Variants in GSG1 observed in about 807,000 individuals in gnomAD.
The protein encoded by GSG1 is germ cell associated 1.
Under a neutral mutation model 30.8 loss-of-function variants are expected in GSG1, and 28 were observed. That is an observed-to-expected ratio of 0.91 (90% confidence interval 0.67 to 1.25). The LOEUF (loss-of-function observed/expected upper bound fraction) is 1.25, where lower values mean the gene tolerates loss of function less well. GSG1 is among the 50% of genes most tolerant of loss of function. GSG1 has a pLI of 0.00. For missense variants in GSG1, 435 were observed against 444.7 expected, an observed-to-expected ratio of 0.98 and a Z score of 0.20; for synonymous variants, 162 against 178.0, an observed-to-expected ratio of 0.91 and a Z score of 0.71.
rs1016354249 is a variant in GSG1, at chr12:13,101,095, C to A, written c.48+2370G>T. On this transcript the variant is annotated intron_variant, in intron 1 of 6. Coordinates refer to ENST00000651961, the MANE Select transcript of GSG1 (RefSeq NM_001080555.4). This position sits in a 1 kb window ranked among gnomAD's most constrained non-coding sequence, Gnocchi z 5.8. ...GAGTGAATCAGAGGGGCAGCCACAT[C>A]TGCACATCCTGTGGGGCAATCGCTC... Among the ~76,000 whole-genome samples, 1 of 152,206 alleles carries A rather than the reference C, an allele frequency of 6.6e-6. No individual in the cohort carries two copies. Among genetic ancestry groups the A allele is most frequent in the South Asian group, 2.1e-4 (1 of 4,836 alleles).
At chr12:13,096,199 C>T (rs187009107) in intron 1 of GSG1, among the ~76,000 whole-genome samples, 47 of 152,192 alleles carry the variant, frequency 3.1e-4, no homozygotes, top group Middle Eastern at 3.4e-3. Flanking sequence ...TATTGCCGGG[C>T]GTGGTGGATC....
intron 1 of GSG1, among the ~76,000 whole-genome samples, chr12:13,095,315 A>G (rs1048811135): frequency 3.9e-5 from 6 of 152,218 alleles, no homozygotes; most frequent in African/African-American, 1.2e-4. Context: ...GAACAACTCT[A>G]TCTTTGTGTA....
chr12:13,090,421 G>T, intron 2 of GSG1, 82 bp downstream of exon 2: 4 of 1,332,682 alleles, frequency 3.0e-6, no homozygotes, highest in South Asian at 1.4e-5. Context: ...AGCCCTAAGC[G>T]GGCCTACCTG....
At chr12:13,087,881 C>T (rs751415527) in intron 5 of GSG1, 26 bp downstream of exon 5, 29 of 1,609,976 alleles carry the variant, frequency 1.8e-5, no homozygotes, top group Non-Finnish European at 2.4e-5. Flanking sequence ...GGCCAACCAC[C>T]CTCTCTCACT....
intron 1 of GSG1, among the ~76,000 whole-genome samples, chr12:13,102,158 C>T (rs1408816466): frequency 1.3e-5 from 2 of 152,168 alleles, no homozygotes; most frequent in African/African-American, 4.8e-5. Flanking sequence ...TTGACTTGCT[C>T]AAGGCCACAA....
At chr12:13,098,610 C>A (rs934053746) in intron 1 of GSG1, among the ~76,000 whole-genome samples, 2 of 151,810 alleles carry the variant, frequency 1.3e-5, no homozygotes, top group African/African-American at 4.8e-5. Context: ...GTTTTGTGCA[C>A]ATTTTTCTTG....
Position 13,088,876 on chromosome 12 carries a change from G to A in GSG1, c.467C>T (p.Pro156Leu). The A allele has an allele frequency of 6.2e-7, 1 of 1,614,108 alleles. No individual in the cohort carries two copies. Among genetic ancestry groups the A allele is most frequent in the Non-Finnish European group, 8.5e-7 (1 of 1,180,024 alleles). ...ERCRSFIELTPPAKREILWLS... is the reference protein window; with the variant it reads ...ERCRSFIELTLPAKREILWLS... ...TCCTTTCTCACCTCTCTTGGCTGGT[G>A]GTGTAAGTTCAATGAAACTTCGGCA... Residue 156 changes from proline (P) to leucine (L), a missense_variant, in exon 4 of 7, where the codon CCA becomes CTA. Transcript: ENST00000651961.
At chr12:13,095,006 A>T (rs992488376) in intron 1 of GSG1, among the ~76,000 whole-genome samples, 3 of 152,238 alleles carry the variant, frequency 2.0e-5, no homozygotes, top group Admixed American at 1.3e-4. Flanking sequence ...AGAAACAAAG[A>T]ATAAAAAAGA....
intron 1 of GSG1, among the ~76,000 whole-genome samples, chr12:13,098,689 C>G (rs773377281): frequency 5.3e-5 from 8 of 152,074 alleles, no homozygotes; most frequent in Non-Finnish European, 1.2e-4. Flanking sequence ...TGCTTACACC[C>G]TTCAAATACT....
chr12:13,103,033 T>C (rs767638983), intron 1 of GSG1, among the ~76,000 whole-genome samples: 7 of 152,252 alleles, frequency 4.6e-5, no homozygotes, highest in African/African-American at 1.4e-4. Flanking sequence ...TAGAGCTTGA[T>C]GTCTGCTCTT....
chr12:13,097,104 G>A (rs564004213), intron 1 of GSG1, among the ~76,000 whole-genome samples: 50 of 151,886 alleles, frequency 3.3e-4, no homozygotes, highest in Non-Finnish European at 6.6e-4. Context: ...AAAAAAAAGT[G>A]CAAATTAATT....
At chr12:13,087,832 A>G in intron 5 of GSG1, 75 bp downstream of exon 5, 1 of 1,486,630 alleles carries the variant, frequency 6.7e-7, no homozygotes, top group South Asian at 1.3e-5. Flanking sequence ...TTCAGGGCAA[A>G]GACTCAAGCC....
intron 1 of GSG1, among the ~76,000 whole-genome samples, chr12:13,099,298 G>A (rs1862976680): frequency 6.6e-6 from 1 of 152,144 alleles, no homozygotes. Context: ...GTAATTGCTA[G>A]TCAATGTGAC....
chr12:13,087,755 A>G, intron 5 of GSG1, 152 bp downstream of exon 5: 2 of 700,412 alleles, frequency 2.9e-6, no homozygotes, highest in East Asian at 2.8e-5. Context: ...ACAATTTTGT[A>G]TGTTACTTCA....
At chr12:13,103,243 G>A (rs1863344512) in intron 1 of GSG1, among the ~76,000 whole-genome samples, 1 of 152,180 alleles carries the variant, frequency 6.6e-6, no homozygotes, top group Non-Finnish European at 1.5e-5. Flanking sequence ...AGATGAAAAG[G>A]TAATAGGCCA....
At chr12:13,092,860 C>T (rs1463201638) in intron 1 of GSG1, among the ~76,000 whole-genome samples, 1 of 151,358 alleles carries the variant, frequency 6.6e-6, no homozygotes, top group Non-Finnish European at 1.5e-5. Flanking sequence ...GGCACAATCT[C>T]GGCTCACTGC....
chr12:13,088,014 A>G lies in GSG1; in HGVS notation c.527T>C (p.Leu176Pro). Residue 176 changes from leucine to proline, a missense_variant, in exon 5 of 7, where the codon CTT becomes CCT. Leu to Pro is a moderately conservative substitution (Grantham distance 98). Coordinates refer to ENST00000651961, the MANE Select transcript of GSG1 (RefSeq NM_001080555.4). Reference protein sequence around the residue: ...SLGTQITYIGLQFISFLLLLT... With the variant: ...SLGTQITYIGPQFISFLLLLT... ...TAGCAGGAGGAAGCTGATGAATTGA[A>G]GTCCGATGTAGGTGATCTGCGTTCC... 1 of 1,614,272 alleles carries G rather than the reference A, an allele frequency of 6.2e-7. No homozygotes were observed. The highest frequency in any genetic ancestry group is 8.5e-7 in the Non-Finnish European group (1 of 1,180,048).
At chr12:13,097,921 T>G (rs2120924665) in intron 1 of GSG1, among the ~76,000 whole-genome samples, 1 of 152,346 alleles carries the variant, frequency 6.6e-6, no homozygotes, top group Non-Finnish European at 1.5e-5. Flanking sequence ...TCTTCTGAAC[T>G]TAATTGTTTG....
chr12:13,093,479 C>T lies in GSG1; in HGVS notation c.49-2661G>A, dbSNP rs994927549. Among the ~76,000 whole-genome samples, 1 of 152,146 alleles carries T rather than the reference C, an allele frequency of 6.6e-6. No individual in the cohort carries two copies. Among genetic ancestry groups the T allele is most frequent in the African/African-American group, 2.4e-5 (1 of 41,424 alleles). ...CTGGAGGATAAAAGAGGGCAGTGAA[C>T]CTACTGGGATGTGGGGCTATTGAAA... On this transcript the variant is annotated intron_variant, in intron 1 of 6. Transcript: ENST00000651961. The surrounding 1 kb of genome is among the most constrained non-coding windows in gnomAD (Gnocchi z 4.6).
Sources: gnomAD v4.1 joint callset for allele counts (sites outside exome capture counted in the v4.1 genomes callset) on GRCh38, gnomAD v4.1.1 for gene constraint, Gnocchi (gnomAD v3.1) non-coding constraint, MANE v1.5 for transcripts, NCBI Gene and HGNC (gene_info 2026-07-23, HGNC 2026-07-21) for gene names.